The following NRXN3 variants were observed in gnomAD, a reference collection of about 807,000 sequenced individuals.
The protein encoded by NRXN3 is neurexin 3.
In NRXN3, 32 loss-of-function variants were observed where a neutral mutation model predicts 137.6. The observed-to-expected ratio is 0.23, with a 90% confidence interval of 0.18 to 0.31. NRXN3 has a LOEUF of 0.31. Among genes scored for constraint, NRXN3 ranks in the 10% least tolerant of loss-of-function variants. The probability of loss-of-function intolerance (pLI) is 1.00; values close to 1 mark genes in which losing one functional copy is unlikely to be tolerated. For missense variants in NRXN3, 1,574 were observed against 2,062.5 expected (o/e 0.76, Z 4.59); for synonymous variants, 798 against 784.5 (o/e 1.02, Z -0.29).
intron 10 of NRXN3, among the ~76,000 whole-genome samples, chr14:78,851,864 T>C (rs2099043565): frequency 6.6e-6 from 1 of 152,142 alleles, no homozygotes; most frequent in Admixed American, 6.6e-5. Context: ...AGCAAAAGCA[T>C]CTTTGAGGCT....
intron 15 of NRXN3, among the ~76,000 whole-genome samples, chr14:79,113,415 T>G (rs565132863): frequency 6.6e-6 from 1 of 152,252 alleles, no homozygotes; most frequent in East Asian, 1.9e-4. Flanking sequence ...CTCCATCAAT[T>G]ACCCCCTCTT....
At chr14:78,324,783 AG>A (rs533349426) in intron 4 of NRXN3, among the ~76,000 whole-genome samples, 18 of 152,142 alleles carry the variant, frequency 1.2e-4, no homozygotes, top group Admixed American at 1.1e-3. Flanking sequence ...CAAGCTGGCC[AG>A]GGGGGAAGCC....
At chr14:78,322,499 T>C (rs571152882) in intron 4 of NRXN3, among the ~76,000 whole-genome samples, 10 of 152,162 alleles carry the variant, frequency 6.6e-5, no homozygotes, top group Admixed American at 3.9e-4. Flanking sequence ...GTCATGTTGC[T>C]TGCCGTGATA....
chr14:78,661,864 A>C (rs2097844493), intron 6 of NRXN3, among the ~76,000 whole-genome samples: 1 of 151,830 alleles, frequency 6.6e-6, no homozygotes, highest in Non-Finnish European at 1.5e-5. Flanking sequence ...TGTTCAGCAA[A>C]TGTTATTTAT....
chr14:78,734,535 ATAGTCTAG>A (rs2098532897), intron 8 of NRXN3, among the ~76,000 whole-genome samples: 1 of 152,220 alleles, frequency 6.6e-6, no homozygotes, highest in Non-Finnish European at 1.5e-5. Context: ...CATGGAGTTT[ATAGTCTAG>A]TGACAGGAGA....
chr14:79,713,918 T>C (rs2098814840), intron 19 of NRXN3, among the ~76,000 whole-genome samples: 1 of 152,124 alleles, frequency 6.6e-6, no homozygotes, highest in South Asian at 2.1e-4. Context: ...ATTGTCACTC[T>C]GGAATTTTTA....
chr14:79,400,042 G>A (rs778736001), intron 15 of NRXN3, among the ~76,000 whole-genome samples: 41 of 152,162 alleles, frequency 2.7e-4, no homozygotes, highest in Admixed American at 2.0e-4. Context: ...CTGTCTTTAC[G>A]TGACCTGATA....
At chr14:79,803,825 A>G (rs1286864651) in intron 19 of NRXN3, among the ~76,000 whole-genome samples, 1 of 151,642 alleles carries the variant, frequency 6.6e-6, no homozygotes, top group Non-Finnish European at 1.5e-5. Flanking sequence ...TTAGTCATGT[A>G]ATAGTCATCC....
chr14:79,563,582 C>T (rs1021698247), intron 16 of NRXN3, among the ~76,000 whole-genome samples: 29 of 151,264 alleles, frequency 1.9e-4, no homozygotes, highest in African/African-American at 4.4e-4. Flanking sequence ...GGATTTTTTC[C>T]GTTACAGTGC....
intron 15 of NRXN3, among the ~76,000 whole-genome samples, chr14:79,283,449 T>C (rs999997944): frequency 3.9e-5 from 6 of 152,174 alleles, no homozygotes; most frequent in African/African-American, 1.4e-4. Flanking sequence ...CTAAGACAGA[T>C]GGAAGAAACA....
chr14:78,694,534 G>A (rs1458449187), intron 6 of NRXN3, among the ~76,000 whole-genome samples: 7 of 151,828 alleles, frequency 4.6e-5, no homozygotes, highest in Admixed American at 2.0e-4. Context: ...CCAGCACAAC[G>A]AATTACAAAT....
intron 2 of NRXN3, among the ~76,000 whole-genome samples, chr14:78,262,333 G>A (rs1417411021): frequency 3.3e-5 from 5 of 152,082 alleles, no homozygotes; most frequent in African/African-American, 1.2e-4. Flanking sequence ...TAGGATGAGG[G>A]CAGCTCACCT....
intron 16 of NRXN3, among the ~76,000 whole-genome samples, chr14:79,531,849 A>G (rs1269218391): frequency 1.3e-5 from 2 of 152,166 alleles, no homozygotes; most frequent in African/African-American, 4.8e-5. Context: ...GCTAAGAGAA[A>G]AGCAACTGAA....
chr14:79,718,138 G>A (rs578043728), intron 19 of NRXN3, among the ~76,000 whole-genome samples: 1 of 152,296 alleles, frequency 6.6e-6, no homozygotes, highest in African/African-American at 2.4e-5. Context: ...TGATGGGTGG[G>A]TAGGTAGTTT....
At position 79,097,345 on chromosome 14, in the gene NRXN3, G is replaced by T. The variant is rs76771446; in HGVS notation, c.3262+109204G>T. Among the ~76,000 whole-genome samples the T allele has an allele frequency of 7.9e-5, 12 of 152,250 alleles. No individual in the cohort carries two copies. In the East Asian group the frequency reaches 2.1e-3, roughly 27 times the overall value. ...GGCGGCTGCTAATATCTAAAAATGC[G>T]CTGGCTCTGTAGCTTGGAAGAAAAA... On this transcript the variant is annotated intron_variant, in intron 15 of 20. Transcript: ENST00000335750.
intron 4 of NRXN3, among the ~76,000 whole-genome samples, chr14:78,412,919 C>A (rs1371069844): frequency 1.3e-5 from 2 of 152,156 alleles, no homozygotes; most frequent in African/African-American, 4.8e-5. Flanking sequence ...GGAAGTCTCT[C>A]ATTTGCTTTG....
chr14:79,442,492 CA>C, intron 15 of NRXN3, among the ~76,000 whole-genome samples: 1 of 152,208 alleles, frequency 6.6e-6, no homozygotes, highest in African/African-American at 2.4e-5. Context: ...CTATAGAAAA[CA>C]AAAACAAAAA....
intron 19 of NRXN3, among the ~76,000 whole-genome samples, chr14:79,763,389 T>TACACCC (rs1568158283): frequency 1.9e-4 from 13 of 68,166 alleles, no homozygotes; most frequent in Non-Finnish European, 4.0e-4. Flanking sequence ...TGTGTCTTTA[T>TACACCC]AGTAGAATGA....
intron 11 of NRXN3, among the ~76,000 whole-genome samples, chr14:78,958,480 C>T (rs1406642924): frequency 6.6e-6 from 1 of 151,848 alleles, no homozygotes; most frequent in Admixed American, 6.6e-5. Flanking sequence ...CTCAGCCTCC[C>T]GAGTAGCTGG....
Sources: gnomAD v4.1 joint callset for allele counts (sites outside exome capture counted in the v4.1 genomes callset) on GRCh38, gnomAD v4.1.1 for gene constraint, MANE v1.5 for transcripts, NCBI Gene and HGNC (gene_info 2026-07-23, HGNC 2026-07-21) for gene names.